Variants in SLC25A53 observed in about 807,000 individuals in gnomAD.
SLC25A53 encodes solute carrier family 25 member 53.
Under a neutral mutation model 15.0 loss-of-function variants are expected in SLC25A53, and 5 were observed. The observed-to-expected ratio is 0.33, with a 90% CI of 0.17 to 0.70. The LOEUF is 0.70. Among genes scored for constraint, SLC25A53 ranks in the 30% least tolerant of loss-of-function variants. SLC25A53 has a pLI of 0.67. For missense variants in SLC25A53, 216 were observed against 241.6 expected, an observed-to-expected ratio of 0.89 and a Z score of 0.70; for synonymous variants, 95 against 100.0, an observed-to-expected ratio of 0.95 and a Z score of 0.30.
At chrX:104,125,453 A>G (rs1556364072) in intron 1 of SLC25A53, among the ~76,000 whole-genome samples, 1 of 111,383 alleles carries the variant, frequency 9.0e-6, no homozygotes, top group African/African-American at 3.3e-5. Context: ...AAAGGAAGAA[A>G]TTATAGTTTC....
rs999081771 is a variant in SLC25A53 at position 104,125,617 on chromosome X, G to C, written c.-31-20329C>G. 2.9e-4 allele frequency among the ~76,000 whole-genome samples: 32 copies of C among 111,912 alleles called. 1 individual carries two copies. The highest frequency in any genetic ancestry group is 1.0e-3 in the African/African-American group (32 of 30,743). Reference sequence around the variant, plus strand: ...CACTATTATCCTATGTGGGTTCACAGATGAAAACTCAAGGCCCAAAAGGTA... The same window carrying C: ...CACTATTATCCTATGTGGGTTCACACATGAAAACTCAAGGCCCAAAAGGTA... On this transcript the variant is annotated intron_variant, in intron 1 of 1. Transcript: ENST00000594199.
At chrX:104,113,080 C>A (rs1192265821) in intron 1 of SLC25A53, 1 of 109,016 alleles carries the variant, frequency 9.2e-6, no homozygotes, top group East Asian at 2.9e-4. Flanking sequence ...TGGCAAGGGG[C>A]GGGAGGAGAC....
intron 1 of SLC25A53, chrX:104,112,916 CCCTT>C (rs2075356137): frequency 9.0e-6 from 1 of 110,983 alleles, no homozygotes; most frequent in Non-Finnish European, 1.9e-5. Flanking sequence ...ATGGAGCACT[CCCTT>C]GGCCTGGTTG....
At chrX:104,145,771 T>C (rs2075464635) in intron 1 of SLC25A53, among the ~76,000 whole-genome samples, 1 of 111,942 alleles carries the variant, frequency 8.9e-6, no homozygotes, top group Non-Finnish European at 1.9e-5. Flanking sequence ...AGAAGTAGAA[T>C]CTCTGAATAG....
At chrX:104,155,619 A>G (rs1193044823) in intron 1 of SLC25A53, among the ~76,000 whole-genome samples, 1 of 111,384 alleles carries the variant, frequency 9.0e-6, no homozygotes, top group Admixed American at 9.6e-5. Context: ...AGTTTGCTGG[A>G]AAACCAAGTA....
chrX:104,111,374 C>T (rs1556358628), intron 1 of SLC25A53, among the ~76,000 whole-genome samples: 2 of 111,809 alleles, frequency 1.8e-5, no homozygotes, highest in African/African-American at 6.5e-5. Flanking sequence ...ATTTTGGCTT[C>T]ACCTTGTATT....
At chrX:104,143,133 C>T (rs2075455708) in intron 1 of SLC25A53, among the ~76,000 whole-genome samples, 1 of 110,963 alleles carries the variant, frequency 9.0e-6, no homozygotes, top group Non-Finnish European at 1.9e-5. Context: ...GATAAAACCA[C>T]AAAGATGGGG....
Position 104,104,909 on chromosome X carries a change from G to A in SLC25A53, c.349C>T (p.Arg117Cys), listed in dbSNP as rs1188409196. The change falls in exon 2 of 2, where the codon CGC (arginine) becomes TGC (cysteine). Residue 117 changes from arginine (R) to cysteine (C), a missense_variant. Coordinates refer to ENST00000594199, the MANE Select transcript of SLC25A53 (RefSeq NM_001012755.5). ...CCAGACATGAGCCCGGCAGCCCAGC[G>A]GTGTCCCAGGGTGTGTGGCCCAACA... is the stretch of plus-strand genomic sequence containing the variant. Reference protein sequence around the residue: ...SPVGPHTLGHRWAAGLMSGVV... With the variant: ...SPVGPHTLGHCWAAGLMSGVV... The A allele has an allele frequency of 4.8e-5, 58 of 1,209,753 alleles. No homozygotes were observed. The highest frequency in any genetic ancestry group is 6.3e-5 in the Non-Finnish European group (56 of 895,242).
At chrX:104,133,777 C>T (rs1428504006) in intron 1 of SLC25A53, among the ~76,000 whole-genome samples, 4 of 111,076 alleles carry the variant, frequency 3.6e-5, no homozygotes, top group Admixed American at 9.6e-5. Flanking sequence ...ATCAGAGACT[C>T]GAACATGAAC....
intron 1 of SLC25A53, among the ~76,000 whole-genome samples, chrX:104,111,728 G>C (rs1331648828): frequency 9.0e-6 from 1 of 111,384 alleles, no homozygotes; most frequent in Non-Finnish European, 1.9e-5. Context: ...GCAGGGCAAC[G>C]AATTAGCATC....
intron 1 of SLC25A53, chrX:104,114,203 G>A (rs1556360276): frequency 8.3e-7 from 1 of 1,208,462 alleles, no homozygotes; most frequent in Non-Finnish European, 1.1e-6. Flanking sequence ...TCTCTGGGGA[G>A]GAGTCTCTGT....
Position 104,099,950 on chromosome X carries a change from A to G in SLC25A53, c.*4384T>C, listed in dbSNP as rs1556351836. The G allele has an allele frequency of 1.8e-5, 2 of 111,879 alleles. No homozygotes were observed. Among genetic ancestry groups the G allele is most frequent in the African/African-American group, 6.5e-5 (2 of 30,746 alleles). The allele number at this position is 111,879 out of a possible 1,213,427, so 9.2% of individuals were successfully genotyped here. ...GAGTATTAAAAGATTTGAGGAAAGG[A>G]AGATGATATGAAAGAACCAGAGACA... On this transcript the variant is annotated 3_prime_UTR_variant, in exon 2 of 2. Coordinates refer to ENST00000594199, the MANE Select transcript of SLC25A53 (RefSeq NM_001012755.5).
chrX:104,142,324 T>C (rs1196295500), intron 1 of SLC25A53, among the ~76,000 whole-genome samples: 1 of 112,240 alleles, frequency 8.9e-6, no homozygotes, highest in Non-Finnish European at 1.9e-5. Flanking sequence ...TGTTTTCCTC[T>C]CACACAATGA....
intron 1 of SLC25A53, among the ~76,000 whole-genome samples, chrX:104,129,607 A>G (rs2075419999): frequency 9.1e-6 from 1 of 110,448 alleles, no homozygotes; most frequent in Non-Finnish European, 1.9e-5. Flanking sequence ...TGACAACTAA[A>G]TTGTTTTGCC....
intron 1 of SLC25A53, chrX:104,114,767 A>T (rs782704392): frequency 1.7e-6 from 2 of 1,211,600 alleles, no homozygotes; most frequent in Non-Finnish European, 2.2e-6. Context: ...ATAAGGGAGG[A>T]AGAGGATTGG....
intron 1 of SLC25A53, among the ~76,000 whole-genome samples, chrX:104,131,756 T>C (rs781794605): frequency 1.2e-4 from 13 of 111,539 alleles, no homozygotes; most frequent in Admixed American, 3.8e-4. Flanking sequence ...ACTACACCTA[T>C]AGCCTCATCT....
At chrX:104,120,586 A>T (rs1556362522) in intron 1 of SLC25A53, among the ~76,000 whole-genome samples, 2 of 112,128 alleles carry the variant, frequency 1.8e-5, no homozygotes, top group Non-Finnish European at 3.8e-5. Context: ...TTTAATCTGT[A>T]GCTTCCTTAG....
chrX:104,154,853 T>C (rs994901638), intron 1 of SLC25A53, among the ~76,000 whole-genome samples: 1 of 111,977 alleles, frequency 8.9e-6, no homozygotes, highest in African/African-American at 3.2e-5. Context: ...ACATTTCAAA[T>C]GTTAGCACCA....
chrX:104,116,513 A>T lies in SLC25A53; in HGVS notation c.-31-11225T>A, dbSNP rs368878109. On this transcript the variant is annotated intron_variant, in intron 1 of 1. Coordinates refer to ENST00000594199, the MANE Select transcript of SLC25A53 (RefSeq NM_001012755.5). ...TAGGTGGAGGACAGGAGGACAGGGG[A>T]GAGGGGGAGGGGTATGATGGCCAAG... Among the ~76,000 whole-genome samples, 27 of 110,457 alleles carry T rather than the reference A, an allele frequency of 2.4e-4. 1 individual carries two copies. Among genetic ancestry groups the T allele is most frequent in the Admixed American group, 1.8e-3 (19 of 10,444 alleles).
Sources: allele counts gnomAD v4.1 joint callset (sites outside exome capture counted in the v4.1 genomes callset), GRCh38; gene constraint gnomAD v4.1.1; transcripts MANE v1.5; gene names NCBI Gene and HGNC (gene_info 2026-07-23, HGNC 2026-07-21).